OR4F16: variants seen among roughly 807,000 people sequenced by gnomAD.
OR4F16 encodes the protein olfactory receptor 4F3/4F16/4F29.
upstream of OR4F16, among the ~76,000 whole-genome samples, chr1:691,209 T>C (rs1302416055): frequency 1.3e-5 from 2 of 151,968 alleles, no homozygotes; most frequent in East Asian, 3.9e-4. Context: ...GCCTACCACA[T>C]AGTATAGCAC....
At chr1:690,049 G>A (rs1408664239), upstream of OR4F16, among the ~76,000 whole-genome samples, 6 of 131,408 alleles carry the variant, frequency 4.6e-5, no homozygotes, top group Non-Finnish European at 9.3e-5. Flanking sequence ...GTGACATTGG[G>A]TTGCATTTAA....
At chr1:687,476 G>C (rs1380255635), upstream of OR4F16, among the ~76,000 whole-genome samples, 4 of 138,070 alleles carry the variant, frequency 2.9e-5, no homozygotes, top group Non-Finnish European at 6.2e-5. Context: ...AATGGCCACA[G>C]AGGTTGTGAG....
chr1:713,478 CTTT>C, the OR4F16 span, among the ~76,000 whole-genome samples: 1 of 138,550 alleles, frequency 7.2e-6, no homozygotes, highest in Non-Finnish European at 1.5e-5. Context: ...ATTTGTCATT[CTTT>C]TGTTTATATA....
the OR4F16 span, among the ~76,000 whole-genome samples, chr1:676,804 T>G: frequency 8.3e-6 from 1 of 120,074 alleles, no homozygotes. Context: ...TAAAGCATCT[T>G]TGAAAAGCCT....
At chr1:697,027 C>A in the OR4F16 span, among the ~76,000 whole-genome samples, 1 of 99,006 alleles carries the variant, frequency 1.0e-5, no homozygotes. Flanking sequence ...TTTATTTACC[C>A]TATTAGTATT....
chr1:679,888 A>G, the OR4F16 span, among the ~76,000 whole-genome samples: 1 of 123,468 alleles, frequency 8.1e-6, no homozygotes, highest in Non-Finnish European at 1.7e-5. Flanking sequence ...TTCTGGTACC[A>G]AAATTTGGCA....
At chr1:713,512 G>A in the OR4F16 span, among the ~76,000 whole-genome samples, 6 of 138,744 alleles carry the variant, frequency 4.3e-5, no homozygotes, top group Admixed American at 2.1e-4. Context: ...ATCTCAATTG[G>A]ATCTATCTCA....
chr1:715,779 C>T, the OR4F16 span, among the ~76,000 whole-genome samples: 572 of 147,662 alleles, frequency 3.9e-3, 7 homozygotes, highest in African/African-American at 0.014. Flanking sequence ...CTGCAATGAG[C>T]TGTGATTGCA....
At chr1:690,861 A>G (rs1227304172), upstream of OR4F16, among the ~76,000 whole-genome samples, 31 of 148,356 alleles carry the variant, frequency 2.1e-4, 3 homozygotes, top group African/African-American at 6.0e-4. Flanking sequence ...ATCGTAGGGA[A>G]CAATAATTTA....
the OR4F16 span, among the ~76,000 whole-genome samples, chr1:714,942 A>ATTT: frequency 9.5e-6 from 1 of 105,716 alleles, no homozygotes. Flanking sequence ...CAGAATGCAG[A>ATTT]CACTTTCTAC....
chr1:701,828 T>C, the OR4F16 span: 6 of 151,644 alleles, frequency 4.0e-5, no homozygotes, highest in South Asian at 2.1e-4. Flanking sequence ...GTACTAGGTT[T>C]AATACCTGGG....
the OR4F16 span, among the ~76,000 whole-genome samples, chr1:679,729 C>A: frequency 1.8e-5 from 1 of 54,500 alleles, no homozygotes; most frequent in East Asian, 5.9e-4. Context: ...TAATAGCCTA[C>A]CAACCAAAAA....
At chr1:701,581 T>C in the OR4F16 span, among the ~76,000 whole-genome samples, 2 of 150,300 alleles carry the variant, frequency 1.3e-5, 1 homozygote, top group Non-Finnish European at 2.9e-5. Context: ...ATATACACCA[T>C]GGAATACTAT....
the OR4F16 span, among the ~76,000 whole-genome samples, chr1:680,022 C>T: frequency 1.5e-5 from 2 of 133,754 alleles, no homozygotes; most frequent in Non-Finnish European, 3.2e-5. Context: ...CCACCACAAT[C>T]AAGTCAGCTT....
At chr1:715,882 G>A in the OR4F16 span, among the ~76,000 whole-genome samples, 1 of 150,490 alleles carries the variant, frequency 6.6e-6, no homozygotes, top group Non-Finnish European at 1.5e-5. Flanking sequence ...GAAGGATCAT[G>A]TCAAAGGTAA....
chr1:679,917 A>G, the OR4F16 span, among the ~76,000 whole-genome samples: 1 of 131,692 alleles, frequency 7.6e-6, no homozygotes, highest in Non-Finnish European at 1.6e-5. Context: ...ACAAAAAAAA[A>G]GAAAATTTCA....
the OR4F16 span, among the ~76,000 whole-genome samples, chr1:714,438 T>TTACATATATACATATACATA: frequency 4.5e-4 from 1 of 2,198 alleles, no homozygotes; most frequent in African/African-American, 1.1e-3. Flanking sequence ...ATATATGTAA[T>TTACATATATACATATACATA]TGTAATTACA....
upstream of OR4F16, among the ~76,000 whole-genome samples, chr1:687,172 TAG>T (rs1261188722): frequency 7.6e-6 from 1 of 131,834 alleles, no homozygotes; most frequent in Non-Finnish European, 1.6e-5. Flanking sequence ...TGAGAGAATA[TAG>T]AGACTGGGGT....
the OR4F16 span, chr1:702,346 G>A: frequency 2.0e-5 from 3 of 150,058 alleles, no homozygotes; most frequent in African/African-American, 7.4e-5. Flanking sequence ...AGACTCTGTC[G>A]GGGAAAAAAA....
Sources: gnomAD v4.1 joint callset for allele counts (sites outside exome capture counted in the v4.1 genomes callset) on GRCh38, gnomAD v4.1.1 for gene constraint, MANE v1.5 for transcripts, NCBI Gene and HGNC (gene_info 2026-07-23, HGNC 2026-07-21) for gene names.